CRISP3: variants seen among roughly 807,000 people sequenced by gnomAD.
CRISP3 encodes cysteine rich secretory protein 3.
A neutral mutation model predicts 36.1 loss-of-function variants in CRISP3; 33 were observed. That is an observed-to-expected ratio of 0.91 (90% confidence interval 0.69 to 1.22). CRISP3 has a LOEUF of 1.22. Among genes scored for constraint, CRISP3 ranks in the 50% most tolerant of loss-of-function variants. The pLI is 0.00. For synonymous variants in CRISP3, 117 were observed against 104.6 expected (o/e 1.12, Z -0.72); for missense variants, 330 against 301.2 (o/e 1.10, Z -0.71).
At chr6:49,735,664 G>A (rs1017392020) in intron 3 of CRISP3, 73 bp from the exon 4 acceptor site, 17 of 1,097,434 alleles carry the variant, frequency 1.5e-5, no homozygotes, top group Non-Finnish European at 2.1e-5. Flanking sequence ...TTATAATCAG[G>A]TTATAGGTTG....
chr6:49,741,909 A>G (rs1476727778), intron 1 of CRISP3, among the ~76,000 whole-genome samples: 1 of 147,862 alleles, frequency 6.8e-6, no homozygotes, highest in Non-Finnish European at 1.5e-5. Flanking sequence ...ATATTATTAT[A>G]TATAAAATAT....
Position 49,737,321 on chromosome 6 carries a change from A to G in CRISP3, c.111+4T>C, listed in dbSNP as rs774437923. The G allele has an allele frequency of 1.8e-5, 29 of 1,613,296 alleles. No homozygotes were observed. Among genetic ancestry groups the G allele is most frequent in the Admixed American group, 3.3e-5 (2 of 59,964 alleles). On this transcript the variant is annotated splice_donor_region_variant and intron_variant, in intron 2 of 7. Transcript: ENST00000263045. ...TTTCTGAAGATTTTTGACTTCAACC[A>G]TACCTTATCTTCATTTGCTGGAAAA...
At chr6:49,739,678 A>T (rs1445915579) in intron 1 of CRISP3, among the ~76,000 whole-genome samples, 1 of 152,150 alleles carries the variant, frequency 6.6e-6, no homozygotes, top group Non-Finnish European at 1.5e-5. Flanking sequence ...CTCCCAAGGG[A>T]CTACTGTAAA....
chr6:49,728,705 G>T lies in CRISP3; in HGVS notation c.*25C>A, dbSNP rs534573630. ...AGATAATCTGACTCCTCTCTACATA[G>T]CCCTACTCGGTGTGTAATGCGTATT... is the stretch of plus-strand genomic sequence containing the variant. On this transcript the variant is annotated 3_prime_UTR_variant, in exon 8 of 8. Transcript: ENST00000263045. 6.2e-7 allele frequency: 1 copy of T among 1,602,422 alleles called. No individual in the cohort carries two copies. The highest frequency in any genetic ancestry group is 2.2e-5 in the East Asian group (1 of 44,550).
intron 1 of CRISP3, 71 bp from the exon 2 acceptor site, chr6:49,737,469 G>T: frequency 6.5e-7 from 1 of 1,530,548 alleles, no homozygotes; most frequent in Non-Finnish European, 9.0e-7. Context: ...AGTAACATGG[G>T]GGTGGGAGAA....
chr6:49,730,251 A>T (rs1313160353), intron 7 of CRISP3, among the ~76,000 whole-genome samples: 1 of 152,076 alleles, frequency 6.6e-6, no homozygotes, highest in Non-Finnish European at 1.5e-5. Context: ...TGAGATATAA[A>T]TTTATTTACT....
intron 2 of CRISP3, among the ~76,000 whole-genome samples, chr6:49,736,938 C>G (rs1469933138): frequency 6.6e-6 from 1 of 151,966 alleles, no homozygotes; most frequent in Non-Finnish European, 1.5e-5. Flanking sequence ...GAAATGGTGT[C>G]TGGTATTTAG....
intron 4 of CRISP3, among the ~76,000 whole-genome samples, chr6:49,734,732 TG>T (rs1333652809): frequency 2.0e-5 from 3 of 152,148 alleles, no homozygotes; most frequent in Non-Finnish European, 4.4e-5. Context: ...TAGATAACAG[TG>T]GCTGTCCTAT....
rs376851622 is a variant in CRISP3, at chr6:49,733,195, G to T, written c.560C>A (p.Ala187Asp). The T allele has an allele frequency of 4.3e-5, 67 of 1,541,098 alleles. No homozygotes were observed. In the African/African-American group the frequency reaches 7.3e-4, roughly 17 times the overall value. Residue 187 changes from alanine to aspartate, a missense_variant and splice_region_variant, in exon 6 of 8, where the codon GCT becomes GAT. Physicochemically the swap from Ala to Asp is moderately radical, Grantham distance 126 (BLOSUM62 -2). Coordinates refer to ENST00000263045, the MANE Select transcript of CRISP3 (RefSeq NM_006061.4). ...KYYYVCQYCP[A>D]GNWANRLYVP... is the part of the protein sequence containing the mutation. ...AATAAACGCTAAAATATATACTTAC[G>T]CAGGACAATATTGGCAAACATAGTA...
chr6:49,737,207 G>T, intron 2 of CRISP3, 118 bp downstream of exon 2: 1 of 726,266 alleles, frequency 1.4e-6, no homozygotes. Flanking sequence ...AGCTACTAAT[G>T]AGTACTTTAT....
chr6:49,741,164 A>AAAC (rs869203345), intron 1 of CRISP3, among the ~76,000 whole-genome samples: 2 of 137,744 alleles, frequency 1.5e-5, no homozygotes, highest in African/African-American at 2.6e-5. Context: ...AAAAAAAAAA[A>AAAC]CAAAAAACGA....
At chr6:49,735,421 A>C in intron 4 of CRISP3, 83 bp downstream of exon 4, 4 of 1,079,624 alleles carry the variant, frequency 3.7e-6, no homozygotes, top group Non-Finnish European at 1.4e-6. Context: ...ATTTATTTAC[A>C]AACTTTTCTT....
rs1169471793 is a variant in CRISP3 at position 49,728,835 on chromosome 6, A to T, written c.672T>A (p.Asp224Glu). The change falls in exon 8 of 8, where the codon GAT (aspartate) becomes GAA (glutamate). Residue 224 changes from aspartate (D) to glutamate (E), a missense_variant. Physicochemically the swap from Asp to Glu is conservative, Grantham distance 45. Coordinates refer to ENST00000263045, the MANE Select transcript of CRISP3 (RefSeq NM_006061.4). ...GLCTNGCKYE[D>E]LYSNCKSLKL... ...TCAAACTTTTACAGTTACTATAGAG[A>T]TCTTCGTACTTGCAACCATTGGCTG... The T allele has an allele frequency of 1.2e-6, 2 of 1,611,358 alleles. No individual in the cohort carries two copies. The highest frequency in any genetic ancestry group is 1.3e-5 in the African/African-American group (1 of 74,890).
intron 4 of CRISP3, 127 bp from the exon 5 acceptor site, chr6:49,733,975 TAATG>T: frequency 1.4e-6 from 1 of 723,240 alleles, no homozygotes; most frequent in Admixed American, 2.6e-5. Flanking sequence ...TACCCACCGT[TAATG>T]AATATTGACT....
Position 49,728,454 on chromosome 6 carries a change from T to A in CRISP3, c.*276A>T. ...TCATATGAGAATACAACTTTCAAAA[T>A]TTTCACCCTAATTAAATTCAGTAAA... is the stretch of plus-strand genomic sequence containing the variant. On this transcript the variant is annotated 3_prime_UTR_variant, in exon 8 of 8. Coordinates refer to ENST00000263045, the MANE Select transcript of CRISP3 (RefSeq NM_006061.4). The A allele has an allele frequency of 4.4e-6, 1 of 226,614 alleles. No homozygotes were observed. Among genetic ancestry groups the A allele is most frequent in the Admixed American group, 5.7e-5 (1 of 17,584 alleles). 14.0% of individuals were successfully genotyped at this position (226,614 alleles called of 1,614,324 possible).
At chr6:49,735,008 A>T (rs1035059808) in intron 4 of CRISP3, among the ~76,000 whole-genome samples, 4 of 152,138 alleles carry the variant, frequency 2.6e-5, no homozygotes, top group African/African-American at 7.2e-5. Context: ...AGTTAATGCT[A>T]ATGTTAAATA....
chr6:49,739,123 T>C (rs1447106231), intron 1 of CRISP3, among the ~76,000 whole-genome samples: 2 of 152,190 alleles, frequency 1.3e-5, no homozygotes, highest in Non-Finnish European at 2.9e-5. Flanking sequence ...AACCTGGCCC[T>C]GCTTCCACTT....
rs1371367211 is a variant in CRISP3 at position 49,736,448 on chromosome 6, A to G, written c.171T>C (p.Asn57=). 9.3e-6 allele frequency: 15 copies of G among 1,613,742 alleles called. No homozygotes were observed. The highest frequency in any genetic ancestry group is 1.2e-5 in the Non-Finnish European group (14 of 1,179,786). Residue 57 remains asparagine, a synonymous_variant, in exon 3 of 8, where the codon AAT becomes AAC. Transcript: ENST00000263045. ...TQTQVQREIV[N]KHNELRRAVS... is the part of the protein sequence containing the mutation. Reference sequence around the variant, plus strand: ...CTGCTCTCCTCAGTTCATTGTGCTTATTCACAATCTCCCTTTGCACTTGTG... The same window carrying G: ...CTGCTCTCCTCAGTTCATTGTGCTTGTTCACAATCTCCCTTTGCACTTGTG...
chr6:49,734,845 A>G (rs1446368198), intron 4 of CRISP3, among the ~76,000 whole-genome samples: 1 of 152,076 alleles, frequency 6.6e-6, no homozygotes, highest in Non-Finnish European at 1.5e-5. Context: ...GCTCATCCAT[A>G]TGATATTTTA....
Sources: allele counts gnomAD v4.1 joint callset (sites outside exome capture counted in the v4.1 genomes callset), GRCh38; gene constraint gnomAD v4.1.1; transcripts MANE v1.5; gene names NCBI Gene and HGNC (gene_info 2026-07-23, HGNC 2026-07-21).